The following ADAMTS6 variants were observed in gnomAD, a reference collection of about 807,000 sequenced individuals.
The protein encoded by ADAMTS6 is A disintegrin and metalloproteinase with thrombospondin motifs 6.
In ADAMTS6, 23 loss-of-function variants were observed where a neutral mutation model predicts 144.3. The ratio of observed to expected loss-of-function variants is 0.16; its 90% CI spans 0.11 to 0.23. ADAMTS6 has a LOEUF of 0.23. Ranked by LOEUF, ADAMTS6 falls within the 10% of genes least tolerant of loss-of-function variation. ADAMTS6 has a pLI of 1.00. For missense variants in ADAMTS6, 999 were observed against 1,379.6 expected (o/e 0.72, Z 4.37); for synonymous variants, 444 against 457.5 (o/e 0.97, Z 0.38).
chr5:65,316,838 G>C (rs1745053513), intron 9 of ADAMTS6, among the ~76,000 whole-genome samples: 1 of 151,488 alleles, frequency 6.6e-6, no homozygotes, highest in Non-Finnish European at 1.5e-5. Flanking sequence ...GTCTTGCTCT[G>C]TTGCCCAGGC....
intron 11 of ADAMTS6, 51 bp downstream of exon 11, chr5:65,291,278 T>C (rs1180054062): frequency 6.4e-7 from 1 of 1,567,940 alleles, no homozygotes; most frequent in Admixed American, 1.8e-5. Flanking sequence ...AACATCTGTG[T>C]CATGGAAGAA....
chr5:65,282,941 TA>T (rs1480607875), intron 11 of ADAMTS6, among the ~76,000 whole-genome samples: 1 of 152,128 alleles, frequency 6.6e-6, no homozygotes, highest in Non-Finnish European at 1.5e-5. Context: ...AAAATTTTTT[TA>T]AAATGAAGTT....
At chr5:65,263,363 A>G (rs562248371) in intron 12 of ADAMTS6, among the ~76,000 whole-genome samples, 84 of 151,746 alleles carry the variant, frequency 5.5e-4, no homozygotes, top group Non-Finnish European at 6.2e-4. Context: ...TGATAACGCA[A>G]TATGGAAGGT....
At chr5:65,170,834 A>G (rs1293476470) in intron 23 of ADAMTS6, 61 bp from the exon 24 acceptor site, 5 of 1,544,488 alleles carry the variant, frequency 3.2e-6, no homozygotes, top group South Asian at 2.3e-5. Context: ...GAGGTAAAAA[A>G]TATACTATGT....
At chr5:65,342,083 C>T (rs565717698) in intron 7 of ADAMTS6, among the ~76,000 whole-genome samples, 1 of 152,048 alleles carries the variant, frequency 6.6e-6, no homozygotes, top group South Asian at 2.1e-4. Flanking sequence ...GAATGAAGGA[C>T]AAAACCCACA....
In ADAMTS6 at chr5:65,411,890, A is replaced by G. The variant is rs1561517959; in HGVS notation, c.1073+39585T>C. Among the ~76,000 whole-genome samples, 3 of 152,340 alleles carry G rather than the reference A, an allele frequency of 2.0e-5. No homozygotes were observed. In the South Asian group the frequency reaches 6.2e-4, roughly 32 times the overall value. On this transcript the variant is annotated intron_variant, in intron 7 of 24. Coordinates refer to ENST00000381055, the MANE Select transcript of ADAMTS6 (RefSeq NM_197941.4). Reference sequence around the variant, plus strand: ...CTTAAGTATAAAGAAGTAGGGAATTAGAAATGCCATACTATGTATCCCATG... The same window carrying G: ...CTTAAGTATAAAGAAGTAGGGAATTGGAAATGCCATACTATGTATCCCATG...
Position 65,224,972 on chromosome 5 carries a change from T to C in ADAMTS6, c.2143A>G (p.Thr715Ala), listed in dbSNP as rs1757618325. 6.2e-7 allele frequency: 1 copy of C among 1,614,010 alleles called. No homozygotes were observed. Among genetic ancestry groups the C allele is most frequent in the African/African-American group, 1.3e-5 (1 of 74,928 alleles). ...AAGAACCCTTCAATGGCATCACATG[T>C]GCTTCCGTCCCCTCCACAGACTCGA... The part of the protein sequence containing the change: ...RCRVCGGDGS[T>A]CDAIEGFFND... The change falls in exon 17 of 25, where the codon ACA becomes GCA. Residue 715 changes from threonine (T) to alanine (A), a missense_variant. By Grantham distance (58) the Thr-to-Ala change is moderately conservative (BLOSUM62 0). Transcript: ENST00000381055.
At chr5:65,474,954 A>C (rs1175137792) in intron 1 of ADAMTS6, among the ~76,000 whole-genome samples, 1 of 152,136 alleles carries the variant, frequency 6.6e-6, no homozygotes, top group Non-Finnish European at 1.5e-5. Flanking sequence ...TACTCATAAC[A>C]CTATGCCTGA....
rs1229503251 is a variant in ADAMTS6, at chr5:65,473,833, C to T, written c.-160G>A. On this transcript the variant is annotated 5_prime_UTR_variant, in exon 2 of 25. Transcript: ENST00000381055. ...AGAGCCACTTTTATCCAACATCCTG[C>T]ACTTTCTTCTATATCTGGATTCATT... is the stretch of plus-strand genomic sequence containing the variant. The T allele has an allele frequency of 1.4e-5, 8 of 552,692 alleles. No individual in the cohort carries two copies. Among genetic ancestry groups the T allele is most frequent in the Admixed American group, 6.2e-5 (2 of 32,180 alleles). The allele number at this position is 552,692 out of a possible 1,614,324, so 34.2% of individuals were successfully genotyped here.
intron 20 of ADAMTS6, among the ~76,000 whole-genome samples, chr5:65,200,703 C>A (rs1479563352): frequency 6.6e-6 from 1 of 151,984 alleles, no homozygotes; most frequent in Non-Finnish European, 1.5e-5. Flanking sequence ...AAGTTACTGG[C>A]ATGCAAACTG....
intron 11 of ADAMTS6, among the ~76,000 whole-genome samples, chr5:65,274,183 A>T (rs1762272219): frequency 6.6e-6 from 1 of 152,134 alleles, no homozygotes; most frequent in African/African-American, 2.4e-5. Context: ...TTGACAATAT[A>T]AAATACTTTT....
chr5:65,427,526 C>T (rs887953325), intron 7 of ADAMTS6, among the ~76,000 whole-genome samples: 5 of 152,128 alleles, frequency 3.3e-5, no homozygotes, highest in African/African-American at 9.6e-5. Context: ...AGGTATGAGT[C>T]AAAATGCCAG....
chr5:65,430,312 C>T lies in ADAMTS6; in HGVS notation c.1073+21163G>A, dbSNP rs144505782. On this transcript the variant is annotated intron_variant, in intron 7 of 24. Coordinates refer to ENST00000381055, the MANE Select transcript of ADAMTS6 (RefSeq NM_197941.4). The stretch of plus-strand genomic sequence containing the variant: ...CAACTGCTCTCTCTCCCAGCCCTGA[C>T]CCCAGTTTTATTCTCTGCAAAAACA... Among the ~76,000 whole-genome samples, 17 of 152,154 alleles carry T rather than the reference C, an allele frequency of 1.1e-4. No individual in the cohort carries two copies. The East Asian group carries it at 3.3e-3, about 29-fold the overall frequency.
At chr5:65,319,739 GGGAAGGAAGGAAGGAAGGAAGGAA>G (rs776411832) in intron 9 of ADAMTS6, among the ~76,000 whole-genome samples, 32 of 65,590 alleles carry the variant, frequency 4.9e-4, no homozygotes, top group Non-Finnish European at 7.0e-4. Flanking sequence ...GAGGGAGGGA[GGGAAGGAAGGAAGGAAGGAAGGAA>G]GGAAGGAAGG....
intron 20 of ADAMTS6, among the ~76,000 whole-genome samples, chr5:65,205,331 C>T (rs936104198): frequency 2.6e-5 from 4 of 152,034 alleles, no homozygotes; most frequent in African/African-American, 9.7e-5. Context: ...TGTGAATTAA[C>T]CTCTTAGTGA....
At chr5:65,448,721 G>A (rs1333710973) in intron 7 of ADAMTS6, among the ~76,000 whole-genome samples, 2 of 151,912 alleles carry the variant, frequency 1.3e-5, no homozygotes, top group Non-Finnish European at 2.9e-5. Flanking sequence ...CCAAAGTGCT[G>A]GAATTACAGG....
chr5:65,473,281 G>A (rs985346723), intron 2 of ADAMTS6, among the ~76,000 whole-genome samples: 1 of 152,052 alleles, frequency 6.6e-6, no homozygotes, highest in Non-Finnish European at 1.5e-5. Flanking sequence ...ATAAACTCTA[G>A]TAATGAACAA....
At chr5:65,476,689 A>G (rs1166827152) in intron 1 of ADAMTS6, among the ~76,000 whole-genome samples, 3 of 151,870 alleles carry the variant, frequency 2.0e-5, no homozygotes, top group Non-Finnish European at 4.4e-5. Context: ...GCTCACTGCA[A>G]CCTCCACCTC....
intron 15 of ADAMTS6, among the ~76,000 whole-genome samples, chr5:65,237,595 T>A (rs1322128550): frequency 6.6e-6 from 1 of 152,108 alleles, no homozygotes; most frequent in East Asian, 1.9e-4. Flanking sequence ...AAAGATTCTA[T>A]TTTGGGAAAC....
Sources: gnomAD v4.1 joint callset for allele counts (sites outside exome capture counted in the v4.1 genomes callset) on GRCh38, gnomAD v4.1.1 for gene constraint, MANE v1.5 for transcripts, NCBI Gene and HGNC (gene_info 2026-07-23, HGNC 2026-07-21) for gene names.